Variants in KAZN observed in about 807,000 individuals in gnomAD.
The protein encoded by KAZN is kazrin, periplakin interacting protein.
Under a neutral mutation model 87.4 loss-of-function variants are expected in KAZN, and 40 were observed. The observed-to-expected ratio is 0.46, with a 90% confidence interval of 0.36 to 0.60. The LOEUF is 0.60. KAZN is among the 20% of genes least tolerant of loss of function. The probability of loss-of-function intolerance (pLI) is 0.00; values close to 1 mark genes in which losing one functional copy is unlikely to be tolerated. For missense variants in KAZN, 898 were observed against 1,073.9 expected (o/e 0.84, Z 2.29); for synonymous variants, 466 against 458.3 (o/e 1.02, Z -0.22).
At position 14,599,230 on chromosome 1, in the gene KAZN, T is replaced by A; in HGVS notation, c.226+7T>A. 2 of 1,372,726 alleles carry A rather than the reference T, an allele frequency of 1.5e-6. No individual in the cohort carries two copies. The highest frequency in any genetic ancestry group is 1.9e-6 in the Non-Finnish European group (2 of 1,066,766). The allele number at this position is 1,372,726 out of a possible 1,614,324, so 85.0% of individuals were successfully genotyped here. On this transcript the variant is annotated splice_region_variant and intron_variant, in intron 1 of 14. Coordinates refer to ENST00000376030, the MANE Select transcript of KAZN (RefSeq NM_201628.3). This position sits in a 1 kb window ranked among gnomAD's most constrained non-coding sequence, Gnocchi z 4.4. Reference sequence around the variant, plus strand: ...CCCCAGCTTGGAGCGCAAGGTAGGATCGCCCCGGCGCCCAGGGCGGAGGAA... The same window carrying A: ...CCCCAGCTTGGAGCGCAAGGTAGGAACGCCCCGGCGCCCAGGGCGGAGGAA...
At chr1:13,925,964 A>G (rs1381476826) in intron 1 of KAZN, among the ~76,000 whole-genome samples, 2 of 152,064 alleles carry the variant, frequency 1.3e-5, no homozygotes, top group Admixed American at 1.3e-4. Flanking sequence ...GGCCCATAGG[A>G]TGGAGTGGCC....
chr1:14,587,910 C>G (rs1400091956), intron 2 of KAZN, among the ~76,000 whole-genome samples: 1 of 152,110 alleles, frequency 6.6e-6, no homozygotes. Context: ...GTATATGAAT[C>G]CCATCTTCAT....
chr1:13,941,933 G>A (rs1385704951), intron 1 of KAZN, among the ~76,000 whole-genome samples: 1 of 152,174 alleles, frequency 6.6e-6, no homozygotes, highest in Non-Finnish European at 1.5e-5. Context: ...TGCAACCTGT[G>A]TGAGGCTAAG....
chr1:14,702,603 C>T (rs776134071), intron 1 of KAZN, among the ~76,000 whole-genome samples: 1 of 151,994 alleles, frequency 6.6e-6, no homozygotes, highest in Non-Finnish European at 1.5e-5. Context: ...TGGTATGTAT[C>T]GTGGGTGATA....
chr1:14,485,017 A>C (rs947814891), intron 2 of KAZN, among the ~76,000 whole-genome samples: 14 of 152,290 alleles, frequency 9.2e-5, no homozygotes, highest in Admixed American at 5.2e-4. Flanking sequence ...AGGTTGTGCA[A>C]ACTTACATTG....
At chr1:14,296,822 A>G (rs1379273203) in intron 2 of KAZN, among the ~76,000 whole-genome samples, 1 of 151,696 alleles carries the variant, frequency 6.6e-6, no homozygotes, top group Non-Finnish European at 1.5e-5. Context: ...TTTTTAGTAG[A>G]GACGGGATTT....
intron 1 of KAZN, among the ~76,000 whole-genome samples, chr1:14,689,093 G>A (rs902498252): frequency 1.3e-5 from 2 of 152,152 alleles, no homozygotes; most frequent in Non-Finnish European, 2.9e-5. Flanking sequence ...TACTGGAAAG[G>A]CTCAGGCACG....
At chr1:14,834,478 C>T (rs1424833136) in intron 1 of KAZN, among the ~76,000 whole-genome samples, 1 of 151,404 alleles carries the variant, frequency 6.6e-6, no homozygotes, top group Non-Finnish European at 1.5e-5. Flanking sequence ...TCTCCTGCCT[C>T]AGCCTCCCAA....
chr1:14,680,061 C>T (rs1640478223), intron 1 of KAZN, among the ~76,000 whole-genome samples: 1 of 152,116 alleles, frequency 6.6e-6, no homozygotes, highest in Non-Finnish European at 1.5e-5. Context: ...GGCCCCCACT[C>T]CAGACCTACT....
intron 1 of KAZN, among the ~76,000 whole-genome samples, chr1:14,603,272 C>T (rs1267786237): frequency 6.6e-6 from 1 of 152,172 alleles, no homozygotes; most frequent in Non-Finnish European, 1.5e-5. Flanking sequence ...GAGGATGGAA[C>T]AAAATGTTGG....
intron 1 of KAZN, among the ~76,000 whole-genome samples, chr1:14,643,196 C>A (rs1680539044): frequency 6.6e-6 from 1 of 152,146 alleles, no homozygotes; most frequent in South Asian, 2.1e-4. Flanking sequence ...TTCAGAGGTA[C>A]ATGTGAAGGT....
At chr1:14,686,733 C>G (rs969011062) in intron 1 of KAZN, among the ~76,000 whole-genome samples, 4 of 152,242 alleles carry the variant, frequency 2.6e-5, no homozygotes, top group Admixed American at 2.0e-4. Context: ...TCAGAGACCT[C>G]TGTACCTCTG....
At chr1:14,689,171 G>A (rs996115848) in intron 1 of KAZN, among the ~76,000 whole-genome samples, 5 of 151,934 alleles carry the variant, frequency 3.3e-5, no homozygotes, top group Admixed American at 2.0e-4. Flanking sequence ...CTCCAGCCTG[G>A]GCGACAGAGT....
chr1:14,558,559 C>T (rs1243480287), intron 2 of KAZN, among the ~76,000 whole-genome samples: 1 of 152,072 alleles, frequency 6.6e-6, no homozygotes, highest in African/African-American at 2.4e-5. Flanking sequence ...TCTTTTTGAA[C>T]ATAGAGTCAT....
chr1:14,899,069 T>C (rs2807554), intron 1 of KAZN, among the ~76,000 whole-genome samples: 149,136 of 152,300 alleles, frequency 0.98, 73,073 homozygotes, highest in Non-Finnish European at 1. Flanking sequence ...GGACTTGACA[T>C]GTTCCCTCTT....
intron 2 of KAZN, among the ~76,000 whole-genome samples, chr1:14,326,657 C>G (rs920738479): frequency 2.6e-5 from 4 of 152,180 alleles, no homozygotes; most frequent in Non-Finnish European, 4.4e-5. Context: ...TCTCACCTCT[C>G]TCTCCTCTTT....
chr1:15,004,081 T>C (rs1318223291), intron 2 of KAZN, among the ~76,000 whole-genome samples: 1 of 152,150 alleles, frequency 6.6e-6, no homozygotes, highest in African/African-American at 2.4e-5. Flanking sequence ...AAAGACAAAG[T>C]GAGGTGAACA....
intron 1 of KAZN, among the ~76,000 whole-genome samples, chr1:13,990,337 TC>T (rs1639218681): frequency 6.6e-6 from 1 of 152,142 alleles, no homozygotes; most frequent in African/African-American, 2.4e-5. Flanking sequence ...GGAAGACCAT[TC>T]AGTAATAAAA....
chr1:14,747,394 A>G (rs1644290324), intron 1 of KAZN, among the ~76,000 whole-genome samples: 1 of 152,112 alleles, frequency 6.6e-6, no homozygotes, highest in African/African-American at 2.4e-5. Context: ...CTCCTTCCTC[A>G]GCCTCCCAAA....
Sources: allele counts gnomAD v4.1 joint callset (sites outside exome capture counted in the v4.1 genomes callset), GRCh38; gene constraint gnomAD v4.1.1; non-coding constraint Gnocchi (gnomAD v3.1); transcripts MANE v1.5; gene names NCBI Gene and HGNC (gene_info 2026-07-23, HGNC 2026-07-21).